The following CTNNA3 variants were observed in gnomAD, a reference collection of about 807,000 sequenced individuals.
CTNNA3 encodes catenin alpha-3.
In CTNNA3, 76 loss-of-function variants were observed where a neutral mutation model predicts 95.7. That is an observed-to-expected ratio of 0.79 (90% CI 0.66 to 0.96). The LOEUF (loss-of-function observed/expected upper bound fraction) is 0.96, where lower values mean the gene tolerates loss of function less well. Among genes scored for constraint, CTNNA3 ranks in the 40% least tolerant of loss-of-function variants. The pLI is 0.00. For missense variants in CTNNA3, 1,191 were observed against 1,089.8 expected, an observed-to-expected ratio of 1.09 and a Z score of -1.31; for synonymous variants, 431 against 374.4, an observed-to-expected ratio of 1.15 and a Z score of -1.74.
At chr10:66,622,714 T>G (rs1564574873) in intron 9 of CTNNA3, among the ~76,000 whole-genome samples, 1 of 152,150 alleles carries the variant, frequency 6.6e-6, no homozygotes, top group Non-Finnish European at 1.5e-5. Flanking sequence ...GTTTTATACT[T>G]TAACGCATTG....
At chr10:66,811,674 G>A (rs1188629024) in intron 7 of CTNNA3, among the ~76,000 whole-genome samples, 3 of 152,246 alleles carry the variant, frequency 2.0e-5, no homozygotes, top group South Asian at 4.1e-4. Flanking sequence ...ATTTACAAAC[G>A]CTCTCAGTTG....
chr10:66,685,274 C>T (rs1270701900), intron 9 of CTNNA3, among the ~76,000 whole-genome samples: 28 of 57,144 alleles, frequency 4.9e-4, no homozygotes, highest in East Asian at 8.6e-4. Flanking sequence ...TGTATATATA[C>T]GTATATATAA....
intron 7 of CTNNA3, among the ~76,000 whole-genome samples, chr10:66,892,749 G>A (rs59109058): frequency 0.013 from 1,993 of 152,128 alleles, 48 homozygotes; most frequent in African/African-American, 0.046. Context: ...AATAACTAAC[G>A]TTATGGAATA....
intron 13 of CTNNA3, among the ~76,000 whole-genome samples, chr10:66,170,295 G>A (rs1368951248): frequency 7.8e-6 from 1 of 128,638 alleles, no homozygotes; most frequent in African/African-American, 3.0e-5. Flanking sequence ...GAACAACAGA[G>A]ACTTTGGAAC....
intron 5 of CTNNA3, among the ~76,000 whole-genome samples, chr10:67,468,062 G>T (rs933997858): frequency 6.6e-6 from 1 of 151,610 alleles, no homozygotes; most frequent in Non-Finnish European, 1.5e-5. Context: ...TACACACGTG[G>T]GTTTGTTATT....
intron 7 of CTNNA3, among the ~76,000 whole-genome samples, chr10:67,143,357 G>A (rs1860682661): frequency 6.9e-6 from 1 of 144,318 alleles, no homozygotes; most frequent in African/African-American, 2.6e-5. Context: ...AGAAGGTGGA[G>A]GTTGTAGTGA....
chr10:67,687,006 A>C (rs1840745094), intron 1 of CTNNA3, among the ~76,000 whole-genome samples: 1 of 152,178 alleles, frequency 6.6e-6, no homozygotes, highest in African/African-American at 2.4e-5. Context: ...TTCAGACACA[A>C]CAAGAAAGGC....
chr10:66,520,245 C>CTTTTTTTTTTTTTTTTTTTTTTTTTT (rs543882241), intron 11 of CTNNA3, among the ~76,000 whole-genome samples: 2 of 78,012 alleles, frequency 2.6e-5, no homozygotes, highest in African/African-American at 5.4e-5. Context: ...TAGTATTATT[C>CTTTTTTTTTTTTTTTTTTTTTTTTTT]TTTTTTTTTT....
At chr10:66,337,921 T>C (rs1564879328) in intron 12 of CTNNA3, among the ~76,000 whole-genome samples, 1 of 151,932 alleles carries the variant, frequency 6.6e-6, no homozygotes, top group Admixed American at 6.6e-5. Flanking sequence ...AAGATAAAGA[T>C]AAATGAAGCT....
intron 1 of CTNNA3, among the ~76,000 whole-genome samples, chr10:67,692,642 C>A (rs1417931805): frequency 7.5e-6 from 1 of 132,602 alleles, no homozygotes; most frequent in Non-Finnish European, 1.6e-5. Context: ...AACCAGAGAC[C>A]TTTGTTCACT....
intron 7 of CTNNA3, among the ~76,000 whole-genome samples, chr10:66,916,810 A>G (rs941036975): frequency 6.6e-5 from 10 of 152,174 alleles, no homozygotes; most frequent in Non-Finnish European, 1.5e-4. Flanking sequence ...TGGTATGGAA[A>G]AACTCCACAC....
rs563097239 is a variant in CTNNA3 at position 66,676,327 on chromosome 10, C to T, written c.1282-54543G>A. The stretch of plus-strand genomic sequence containing the variant: ...TCCTGAGCGTCTGTGAGGTCAAATG[C>T]TATGCACCCCAATCTACTTCCTGAA... On this transcript the variant is annotated intron_variant, in intron 9 of 17. Transcript: ENST00000433211. Among the ~76,000 whole-genome samples the T allele has an allele frequency of 2.6e-5, 4 of 152,196 alleles. No homozygotes were observed. In the South Asian group the frequency reaches 8.3e-4, roughly 32 times the overall value.
At chr10:67,477,011 C>T (rs1241651418) in intron 5 of CTNNA3, among the ~76,000 whole-genome samples, 4 of 151,132 alleles carry the variant, frequency 2.6e-5, no homozygotes, top group African/African-American at 9.7e-5. Context: ...CCCAGCGATA[C>T]CTCCAGGCAG....
chr10:66,746,375 G>A (rs1838873727), intron 9 of CTNNA3, among the ~76,000 whole-genome samples: 1 of 152,278 alleles, frequency 6.6e-6, no homozygotes, highest in Non-Finnish European at 1.5e-5. Context: ...TTCTAACAGT[G>A]TGATGTCAAA....
chr10:66,011,460 C>T (rs909570143), intron 15 of CTNNA3, among the ~76,000 whole-genome samples: 2 of 152,156 alleles, frequency 1.3e-5, no homozygotes, highest in African/African-American at 4.8e-5. Flanking sequence ...AGTTTTAATG[C>T]TACCCATACT....
intron 11 of CTNNA3, among the ~76,000 whole-genome samples, chr10:66,459,366 C>T (rs888562118): frequency 2.6e-5 from 4 of 152,048 alleles, no homozygotes; most frequent in South Asian, 4.1e-4. Flanking sequence ...CGACTGCACA[C>T]GGGTCAGCAA....
At chr10:67,614,841 T>C (rs1291768264) in intron 2 of CTNNA3, among the ~76,000 whole-genome samples, 1 of 152,142 alleles carries the variant, frequency 6.6e-6, no homozygotes, top group Non-Finnish European at 1.5e-5. Flanking sequence ...ACAGGTTTGG[T>C]TTCTCCTGAG....
chr10:66,337,237 C>A (rs1055901952), intron 12 of CTNNA3, among the ~76,000 whole-genome samples: 12 of 152,098 alleles, frequency 7.9e-5, no homozygotes, highest in African/African-American at 2.9e-4. Flanking sequence ...TAAATTTAAT[C>A]TGCATACGAA....
chr10:67,200,364 T>C, intron 6 of CTNNA3, among the ~76,000 whole-genome samples: 1 of 152,132 alleles, frequency 6.6e-6, no homozygotes, highest in South Asian at 2.1e-4. Flanking sequence ...ATCCAACTTC[T>C]CAATTTAAGG....
Sources: allele counts gnomAD v4.1 joint callset (sites outside exome capture counted in the v4.1 genomes callset), GRCh38; gene constraint gnomAD v4.1.1; transcripts MANE v1.5; gene names NCBI Gene and HGNC (gene_info 2026-07-23, HGNC 2026-07-21).